TNIP2: variants seen among roughly 807,000 people sequenced by gnomAD.
TNIP2 encodes TNFAIP3 interacting protein 2.
TNIP2 carries 30 observed loss-of-function variants against 43.7 expected under a neutral mutation model. The ratio of observed to expected loss-of-function variants is 0.69; its 90% CI spans 0.51 to 0.93. The LOEUF (loss-of-function observed/expected upper bound fraction) is 0.93. TNIP2 is among the 40% of genes least tolerant of loss of function. The pLI is 0.00. For missense variants in TNIP2, 599 were observed against 591.0 expected, an observed-to-expected ratio of 1.01 and a Z score of -0.14; for synonymous variants, 260 against 254.6, an observed-to-expected ratio of 1.02 and a Z score of -0.20.
chr4:2,752,698 T>C (rs1183163992), intron 1 of TNIP2, among the ~76,000 whole-genome samples: 1 of 152,200 alleles, frequency 6.6e-6, no homozygotes, highest in African/African-American at 2.4e-5. Flanking sequence ...ACAGGTTCCA[T>C]GACCGACCTC....
intron 1 of TNIP2, 75 bp downstream of exon 1, chr4:2,755,939 G>A: frequency 2.1e-6 from 3 of 1,419,082 alleles, no homozygotes; most frequent in Non-Finnish European, 2.7e-6. Flanking sequence ...GGGCCCGCTC[G>A]CTCACCCACC....
chr4:2,745,539 C>CAT lies in TNIP2; in HGVS notation c.568-6_568-5dup, dbSNP rs1294649985. The CAT allele has an allele frequency of 6.2e-7, 1 of 1,610,484 alleles. No homozygotes were observed. The highest frequency in any genetic ancestry group is 8.5e-7 in the Non-Finnish European group (1 of 1,176,962). ...TGTGCCCATCTGTGTGTTCCGACTG[C>CAT]ATGAGGAAGGGACAGAGAGAAGACA... On this transcript the variant is annotated splice_region_variant and splice_polypyrimidine_tract_variant and intron_variant, in intron 2 of 5. Coordinates refer to ENST00000315423, the MANE Select transcript of TNIP2 (RefSeq NM_024309.4).
intron 1 of TNIP2, among the ~76,000 whole-genome samples, chr4:2,753,971 A>G (rs1175520245): frequency 6.6e-6 from 1 of 152,246 alleles, no homozygotes; most frequent in African/African-American, 2.4e-5. Context: ...GTGTACACAC[A>G]CCTTATACAC....
At position 2,744,780 on chromosome 4, in the gene TNIP2, A is replaced by T. The variant is rs1017827623; in HGVS notation, c.823T>A (p.Cys275Ser). ...NRQLEEKINDCAEVKQELAAS... is the reference protein window; with the variant it reads ...NRQLEEKINDSAEVKQELAAS... Reference sequence around the variant, plus strand: ...GCCAGCTCCTGCTTCACTTCGGCACAGTCATTTATTTTCTCTTCCAACTGT... The same window carrying T: ...GCCAGCTCCTGCTTCACTTCGGCACTGTCATTTATTTTCTCTTCCAACTGT... Residue 275 changes from cysteine to serine, a missense_variant, in exon 4 of 6, where the codon TGT becomes AGT. Cys to Ser is a moderately radical substitution (Grantham distance 112). Coordinates refer to ENST00000315423, the MANE Select transcript of TNIP2 (RefSeq NM_024309.4). The surrounding 1 kb of genome is among the most constrained non-coding windows in gnomAD (Gnocchi z 5.1). 5 of 1,612,074 alleles carry T rather than the reference A, an allele frequency of 3.1e-6. No homozygotes were observed. In the African/African-American group the frequency reaches 4.0e-5, roughly 13 times the overall value.
chr4:2,756,110 C>G lies in TNIP2; in HGVS notation c.180G>C (p.Ala60=), dbSNP rs768633334. The G allele has an allele frequency of 2.0e-6, 3 of 1,487,418 alleles. No homozygotes were observed. Among genetic ancestry groups the G allele is most frequent in the Non-Finnish European group, 1.8e-6 (2 of 1,128,568 alleles). 92.1% of individuals were successfully genotyped at this position (1,487,418 alleles called of 1,614,324 possible). A position where few individuals can be genotyped will look rare whatever the true frequency, so the allele number is the denominator to read the frequency against. ...CCAGCAGCGCGTCCACTAGGGACGG[C>G]GCGGCGTCCCCCTCCAGCGCGGCCA... The part of the protein sequence containing the change: ...ARLAALEGDA[A]PSLVDALLEQ... The change falls in exon 1 of 6, where the codon GCG becomes GCC. Residue 60 remains alanine, a synonymous_variant. Transcript: ENST00000315423.
At chr4:2,753,200 A>G (rs1722145212) in intron 1 of TNIP2, among the ~76,000 whole-genome samples, 1 of 152,226 alleles carries the variant, frequency 6.6e-6, no homozygotes, top group African/African-American at 2.4e-5. Flanking sequence ...GCACTTTGGG[A>G]GGCCAAGGCA....
At chr4:2,750,905 G>A (rs1410851900) in intron 1 of TNIP2, among the ~76,000 whole-genome samples, 2 of 152,134 alleles carry the variant, frequency 1.3e-5, no homozygotes, top group African/African-American at 4.8e-5. Flanking sequence ...TCCTGAGGGC[G>A]TGGCTCTCTC....
In TNIP2 at chr4:2,741,915, C is replaced by T. The variant is rs1056640266; in HGVS notation, c.*342G>A. ...CCCTGGGGACCATACAAGTGACTCCCTCAGGCAGCCACCCCTTTCTAGGCA... is the reference window on the plus strand; with the variant it reads ...CCCTGGGGACCATACAAGTGACTCCTTCAGGCAGCCACCCCTTTCTAGGCA... On this transcript the variant is annotated 3_prime_UTR_variant, in exon 6 of 6. Transcript: ENST00000315423. 9.4e-6 allele frequency: 2 copies of T among 213,360 alleles called. No homozygotes were observed. Among genetic ancestry groups the T allele is most frequent in the East Asian group, 1.9e-4 (2 of 10,524 alleles). 13.2% of individuals were successfully genotyped at this position (213,360 alleles called of 1,614,324 possible). A position where few individuals can be genotyped will look rare whatever the true frequency, so the allele number is the denominator to read the frequency against.
At position 2,747,672 on chromosome 4, in the gene TNIP2, C is replaced by G. The variant is rs760797347; in HGVS notation, c.550G>C (p.Glu184Gln). The G allele has an allele frequency of 5.0e-6, 8 of 1,597,792 alleles. No homozygotes were observed. Among genetic ancestry groups the G allele is most frequent in the Non-Finnish European group, 5.9e-6 (7 of 1,178,380 alleles). Reference protein sequence around the residue: ...ERQHAQRNVGERSPDQSEHTD... With the variant: ...ERQHAQRNVGQRSPDQSEHTD... ...TGGCCTACCTGGTCAGGACTTCTCT[C>G]CCCCACATTCCTTTGTGCATGCTGT... is the stretch of plus-strand genomic sequence containing the variant. Residue 184 changes from glutamate to glutamine, a missense_variant, in exon 2 of 6, where the codon GAG becomes CAG. Glu to Gln is a conservative substitution (Grantham distance 29, BLOSUM62 2). Transcript: ENST00000315423.
rs1722238376 is a variant in TNIP2, at chr4:2,756,160, G to A, written c.130C>T (p.Leu44Phe). 1.4e-6 allele frequency: 2 copies of A among 1,477,594 alleles called. No homozygotes were observed. The highest frequency in any genetic ancestry group is 1.8e-6 in the Non-Finnish European group (2 of 1,122,114). The allele number at this position is 1,477,594 out of a possible 1,614,324, so 91.5% of individuals were successfully genotyped here. A position where few individuals can be genotyped will look rare whatever the true frequency, so the allele number is the denominator to read the frequency against. Residue 44 changes from leucine (L) to phenylalanine (F), a missense_variant, in exon 1 of 6, where the codon CTC becomes TTC. Physicochemically the swap from Leu to Phe is conservative, Grantham distance 22 (BLOSUM62 0). Transcript: ENST00000315423. ...LQDQLAARDALIARLRARLAA... is the reference protein window; with the variant it reads ...LQDQLAARDAFIARLRARLAA... Reference sequence around the variant, plus strand: ...AGGCGGGCGCGGAGGCGAGCGATGAGGGCGTCGCGGGCAGCGAGCTGGTCC... The same window carrying A: ...AGGCGGGCGCGGAGGCGAGCGATGAAGGCGTCGCGGGCAGCGAGCTGGTCC...
At chr4:2,753,887 T>G (rs1722161614) in intron 1 of TNIP2, among the ~76,000 whole-genome samples, 1 of 152,178 alleles carries the variant, frequency 6.6e-6, no homozygotes, top group Admixed American at 6.5e-5. Context: ...GCTGAAAGTA[T>G]TTTAAATGAT....
chr4:2,745,030 C>T, intron 3 of TNIP2, 85 bp from the exon 4 acceptor site: 1 of 1,493,468 alleles, frequency 6.7e-7, no homozygotes. Flanking sequence ...TATGTATTAG[C>T]AGTGATTCGC....
Position 2,756,136 on chromosome 4 carries a change from G to A in TNIP2, c.154C>T (p.Leu52=). 2.7e-6 allele frequency: 4 copies of A among 1,474,436 alleles called. No homozygotes were observed. In the South Asian group the frequency reaches 3.9e-5, roughly 14 times the overall value. 91.3% of individuals were successfully genotyped at this position (1,474,436 alleles called of 1,614,324 possible). Residue 52 remains leucine, a synonymous_variant, in exon 1 of 6, where the codon CTG becomes TTG. Coordinates refer to ENST00000315423, the MANE Select transcript of TNIP2 (RefSeq NM_024309.4). ...DALIARLRAR[L]AALEGDAAPS... is the part of the protein sequence containing the mutation. ...GCGGCGTCCCCCTCCAGCGCGGCCA[G>A]GCGGGCGCGGAGGCGAGCGATGAGG...
rs760597239 is a variant in TNIP2, at chr4:2,756,028, C to A, written c.262G>T (p.Ala88Ser). 6.5e-7 allele frequency: 1 copy of A among 1,549,740 alleles called. No homozygotes were observed. Among genetic ancestry groups the A allele is most frequent in the South Asian group, 1.2e-5 (1 of 85,930 alleles). ...CGCCCTCGTACCTGGCGCATCTGGG[C>A]CTCGGCGGCGCCGCCCTCCTGCCTT... is the stretch of plus-strand genomic sequence containing the variant. The part of the protein sequence containing the change: ...LRRQEGGAAE[A>S]QMRQEIERLT... Residue 88 changes from alanine (A) to serine (S), a missense_variant, in exon 1 of 6, where the codon GCC (alanine) becomes TCC (serine). Ala to Ser is a moderately conservative substitution (Grantham distance 99, BLOSUM62 1). Transcript: ENST00000315423.
chr4:2,747,569 C>T (rs1200179720), intron 2 of TNIP2, 86 bp downstream of exon 2: 34 of 1,445,592 alleles, frequency 2.4e-5, no homozygotes, highest in Non-Finnish European at 2.9e-5. Context: ...TCTGGGGCGC[C>T]CCCCCACCTC....
intron 5 of TNIP2, 74 bp from the exon 6 acceptor site, chr4:2,742,594 C>G: frequency 7.0e-7 from 1 of 1,426,912 alleles, no homozygotes; most frequent in Non-Finnish European, 9.3e-7. Flanking sequence ...GTTCCAGCAA[C>G]CAGAGGCACT....
intron 5 of TNIP2, 140 bp from the exon 6 acceptor site, chr4:2,742,660 G>A (rs1484215052): frequency 2.2e-6 from 2 of 892,166 alleles, no homozygotes; most frequent in South Asian, 2.0e-5. Flanking sequence ...CTGCGCCCCA[G>A]AGCCCAGACA....
At chr4:2,752,805 AG>A (rs569550905) in intron 1 of TNIP2, among the ~76,000 whole-genome samples, 1 of 152,202 alleles carries the variant, frequency 6.6e-6, no homozygotes, top group Non-Finnish European at 1.5e-5. Context: ...GCACTTTGAG[AG>A]GCCGAGACAG....
In TNIP2 at chr4:2,756,249, G is replaced by A. The variant is rs1362992645; in HGVS notation, c.41C>T (p.Pro14Leu). The A allele has an allele frequency of 5.5e-6, 8 of 1,446,556 alleles. No individual in the cohort carries two copies. The highest frequency in any genetic ancestry group is 7.2e-6 in the Non-Finnish European group (8 of 1,104,928). 89.6% of individuals were successfully genotyped at this position (1,446,556 alleles called of 1,614,324 possible). A position where few individuals can be genotyped will look rare whatever the true frequency, so the allele number is the denominator to read the frequency against. ...DPGSGGWEEA[P>L]RAAAALCTLY... ...GGTGCAGAGCGCGGCAGCTGCGCGC[G>A]GGGCCTCCTCCCAGCCGCCCGACCC... The change falls in exon 1 of 6, where the codon CCG becomes CTG. Residue 14 changes from proline (P) to leucine (L), a missense_variant. Transcript: ENST00000315423.
Sources: gnomAD v4.1 joint callset for allele counts (sites outside exome capture counted in the v4.1 genomes callset) on GRCh38, gnomAD v4.1.1 for gene constraint, Gnocchi (gnomAD v3.1) non-coding constraint, MANE v1.5 for transcripts, NCBI Gene and HGNC (gene_info 2026-07-23, HGNC 2026-07-21) for gene names.